Variants in DTNB observed in about 807,000 individuals in gnomAD.
The protein encoded by DTNB is dystrobrevin beta.
In DTNB, 63 loss-of-function variants were observed where a neutral mutation model predicts 90.7. That is an observed-to-expected ratio of 0.69 (90% CI 0.57 to 0.86). DTNB has a LOEUF of 0.86. Among genes scored for constraint, DTNB ranks in the 40% least tolerant of loss-of-function variants. The pLI, the probability that DTNB is intolerant of heterozygous loss-of-function variation, is 0.00. For missense variants in DTNB, 744 were observed against 807.1 expected (o/e 0.92, Z 0.95); for synonymous variants, 277 against 286.7 (o/e 0.97, Z 0.34).
intron 12 of DTNB, among the ~76,000 whole-genome samples, chr2:25,449,768 CTTT>C (rs35325641): frequency 2.1e-5 from 3 of 139,616 alleles, no homozygotes; most frequent in Non-Finnish European, 3.1e-5. Flanking sequence ...TTTTCTTTTT[CTTT>C]TTTTTTTTTT....
intron 8 of DTNB, among the ~76,000 whole-genome samples, chr2:25,561,982 C>T (rs1016943563): frequency 2.0e-5 from 3 of 152,106 alleles, no homozygotes; most frequent in African/African-American, 4.8e-5. Context: ...AAGAGTTGTA[C>T]AACCATAACT....
chr2:25,583,116 G>A (rs892446257), intron 6 of DTNB, among the ~76,000 whole-genome samples: 8 of 151,554 alleles, frequency 5.3e-5, no homozygotes, highest in Admixed American at 2.0e-4. Context: ...GTGTGGTGGC[G>A]GGTGCCTGTA....
intron 9 of DTNB, among the ~76,000 whole-genome samples, chr2:25,513,529 C>A (rs148283982): frequency 6.6e-6 from 1 of 151,740 alleles, no homozygotes; most frequent in African/African-American, 2.4e-5. Context: ...TGAAACTAGC[C>A]GGCCAACATG....
intron 6 of DTNB, among the ~76,000 whole-genome samples, chr2:25,586,905 A>G (rs1572976648): frequency 1.3e-5 from 2 of 152,334 alleles, no homozygotes; most frequent in Middle Eastern, 6.8e-3. Flanking sequence ...CTACACTGAG[A>G]TAACATTTCT....
At chr2:25,644,377 A>C (rs2078998285) in intron 2 of DTNB, among the ~76,000 whole-genome samples, 1 of 152,214 alleles carries the variant, frequency 6.6e-6, no homozygotes, top group South Asian at 2.1e-4. Context: ...GAAAAAAGGA[A>C]GAAGGGAGAA....
intron 3 of DTNB, among the ~76,000 whole-genome samples, chr2:25,637,670 T>A (rs2077397111): frequency 6.6e-6 from 1 of 152,266 alleles, no homozygotes; most frequent in African/African-American, 2.4e-5. Flanking sequence ...TACCATCTCA[T>A]GCCAGTTAGA....
Position 25,596,109 on chromosome 2 carries a change from C to T in DTNB, c.580G>A (p.Val194Ile), listed in dbSNP as rs1446453727. The change falls in exon 6 of 21, where the codon GTC (valine) becomes ATC (isoleucine). Residue 194 changes from valine (V) to isoleucine (I), a missense_variant. Coordinates refer to ENST00000406818, the MANE Select transcript of DTNB (RefSeq NM_021907.5). ...GPSFGYTEHS[V>I]RTCFPQQRKI... ...ACCTGCTGTGGAAAACAGGTGCGGACTGAGTGCTCTGTGTAACCAAAAGAT... is the reference window on the plus strand; with the variant it reads ...ACCTGCTGTGGAAAACAGGTGCGGATTGAGTGCTCTGTGTAACCAAAAGAT... The T allele has an allele frequency of 6.2e-7, 1 of 1,611,944 alleles. No homozygotes were observed. The highest frequency in any genetic ancestry group is 1.1e-5 in the South Asian group (1 of 90,722).
intron 4 of DTNB, among the ~76,000 whole-genome samples, chr2:25,623,046 A>C (rs2073162588): frequency 6.6e-6 from 1 of 152,226 alleles, no homozygotes; most frequent in South Asian, 2.1e-4. Flanking sequence ...ACCATATGTG[A>C]GGAACACTAA....
At chr2:25,638,076 G>A (rs2077472821) in intron 3 of DTNB, among the ~76,000 whole-genome samples, 1 of 152,170 alleles carries the variant, frequency 6.6e-6, no homozygotes, top group Non-Finnish European at 1.5e-5. Flanking sequence ...GGATGAAGCT[G>A]GAAGTCATCA....
chr2:25,608,654 A>G (rs1490801706), intron 4 of DTNB, among the ~76,000 whole-genome samples: 2 of 152,246 alleles, frequency 1.3e-5, no homozygotes, highest in African/African-American at 4.8e-5. Context: ...TGGGTTTCTA[A>G]GACTGATACA....
chr2:25,392,304 G>A (rs1211493150), intron 16 of DTNB, among the ~76,000 whole-genome samples: 3 of 152,102 alleles, frequency 2.0e-5, no homozygotes, highest in Admixed American at 2.0e-4. Context: ...CAGCTACTCG[G>A]GAGGCTGAGG....
At chr2:25,437,992 T>C (rs1388150886) in intron 12 of DTNB, among the ~76,000 whole-genome samples, 1 of 152,174 alleles carries the variant, frequency 6.6e-6, no homozygotes, top group Non-Finnish European at 1.5e-5. Flanking sequence ...GAAAATTCTT[T>C]TTAAATGAGG....
At chr2:25,523,613 C>G (rs960965847) in intron 9 of DTNB, among the ~76,000 whole-genome samples, 2 of 148,858 alleles carry the variant, frequency 1.3e-5, no homozygotes, top group African/African-American at 2.5e-5. Context: ...TGCACTCCAG[C>G]CTGGGCGACA....
At chr2:25,652,481 T>C in intron 2 of DTNB, 113 bp downstream of exon 2, 1 of 1,110,370 alleles carries the variant, frequency 9.0e-7, no homozygotes, top group Non-Finnish European at 1.2e-6. Flanking sequence ...TTCTTCCCTC[T>C]GCAAAGCTTA....
chr2:25,653,720 C>T (rs573740343), intron 1 of DTNB, among the ~76,000 whole-genome samples: 237 of 152,026 alleles, frequency 1.6e-3, no homozygotes, highest in Non-Finnish European at 2.8e-3. Context: ...CCATGTTAGC[C>T]AGGCTGGTCT....
chr2:25,650,113 G>A (rs1190669414), intron 2 of DTNB: 1 of 985,330 alleles, frequency 1.0e-6, no homozygotes, highest in Admixed American at 6.1e-5. Flanking sequence ...TCACAAAGAA[G>A]TAAACCCAGT....
chr2:25,596,277 GA>G, intron 5 of DTNB, 37 bp from the exon 6 acceptor site: 1 of 1,548,564 alleles, frequency 6.5e-7, no homozygotes, highest in Non-Finnish European at 8.7e-7. Flanking sequence ...AAGCTATAAG[GA>G]AATATCAGCT....
intron 2 of DTNB, among the ~76,000 whole-genome samples, chr2:25,650,465 G>C (rs191687710): frequency 1.3e-5 from 2 of 152,270 alleles, no homozygotes; most frequent in Non-Finnish European, 2.9e-5. Flanking sequence ...GTGCAAAGGC[G>C]GAAAGGCATG....
At chr2:25,440,122 C>T (rs1347092084) in intron 12 of DTNB, among the ~76,000 whole-genome samples, 1 of 152,142 alleles carries the variant, frequency 6.6e-6, no homozygotes, top group Non-Finnish European at 1.5e-5. Context: ...AAGCTGAAGG[C>T]CTCTTAATTG....
Sources: allele counts gnomAD v4.1 joint callset (sites outside exome capture counted in the v4.1 genomes callset), GRCh38; gene constraint gnomAD v4.1.1; transcripts MANE v1.5; gene names NCBI Gene and HGNC (gene_info 2026-07-23, HGNC 2026-07-21).